Variants in PTPRT observed in about 807,000 individuals in gnomAD.
The protein encoded by PTPRT is protein tyrosine phosphatase receptor type T.
PTPRT carries 56 observed loss-of-function variants against 176.8 expected under a neutral mutation model. That is an observed-to-expected ratio of 0.32 (90% CI 0.26 to 0.40). The LOEUF (loss-of-function observed/expected upper bound fraction) is 0.40, where lower values mean the gene tolerates loss of function less well. Among genes scored for constraint, PTPRT ranks in the 10% least tolerant of loss-of-function variants. The probability of loss-of-function intolerance (pLI) is 1.00; values close to 1 mark genes in which losing one functional copy is unlikely to be tolerated. For synonymous variants in PTPRT, 783 were observed against 739.0 expected (o/e 1.06, Z -0.96); for missense variants, 1,540 against 1,908.2 (o/e 0.81, Z 3.60).
chr20:43,160,167 G>C (rs780172572), intron 1 of PTPRT, among the ~76,000 whole-genome samples: 33 of 152,108 alleles, frequency 2.2e-4, no homozygotes, highest in African/African-American at 7.5e-4. Context: ...CAACGAGCAG[G>C]GAGGTCTCCA....
chr20:42,363,273 TATA>T (rs1568812276), intron 9 of PTPRT, among the ~76,000 whole-genome samples: 6 of 15,862 alleles, frequency 3.8e-4, no homozygotes, highest in African/African-American at 1.4e-3. Flanking sequence ...ATTACAATTA[TATA>T]TATATATATA....
intron 15 of PTPRT, among the ~76,000 whole-genome samples, chr20:42,206,474 C>G (rs549211822): frequency 6.6e-6 from 1 of 152,174 alleles, no homozygotes; most frequent in Non-Finnish European, 1.5e-5. Context: ...ACTTGGGAAG[C>G]GCAAGGGGTC....
At position 42,118,482 on chromosome 20, in the gene PTPRT, A is replaced by G. The variant is rs762330946; in HGVS notation, c.2903T>C (p.Val968Ala). The G allele has an allele frequency of 1.5e-5, 24 of 1,612,156 alleles. No homozygotes were observed. The highest frequency in any genetic ancestry group is 2.0e-5 in the Non-Finnish European group (24 of 1,178,986). ...IATQGPMQET[V>A]KDFWRMIWQE... ...CCAGATCATTCTCCAAAAGTCCTTTACAGTCTCCTGCATCGGACCTGCCAA... is the reference window on the plus strand; with the variant it reads ...CCAGATCATTCTCCAAAAGTCCTTTGCAGTCTCCTGCATCGGACCTGCCAA... The change falls in exon 21 of 31, where the codon GTA (valine) becomes GCA (alanine). Residue 968 changes from valine to alanine, a missense_variant. Val to Ala is a moderately conservative substitution (Grantham distance 64). Coordinates refer to ENST00000373187, the MANE Select transcript of PTPRT (RefSeq NM_007050.6).
chr20:42,539,054 C>A (rs538671693), intron 7 of PTPRT, among the ~76,000 whole-genome samples: 98 of 152,262 alleles, frequency 6.4e-4, no homozygotes, highest in African/African-American at 2.3e-3. Context: ...GTGTGTACAC[C>A]TACCAGTCTC....
chr20:42,661,131 G>A (rs1196473275), intron 7 of PTPRT, among the ~76,000 whole-genome samples: 1 of 152,112 alleles, frequency 6.6e-6, no homozygotes, highest in Non-Finnish European at 1.5e-5. Context: ...TTACAGGTGT[G>A]AGCCACCGCA....
chr20:42,824,350 G>C (rs950140321), intron 2 of PTPRT, among the ~76,000 whole-genome samples: 1 of 151,858 alleles, frequency 6.6e-6, no homozygotes, highest in African/African-American at 2.4e-5. Flanking sequence ...AACTAGAAGA[G>C]AATGTCCTAT....
At chr20:42,765,231 G>A (rs1254089574) in intron 5 of PTPRT, among the ~76,000 whole-genome samples, 1 of 152,172 alleles carries the variant, frequency 6.6e-6, no homozygotes, top group Non-Finnish European at 1.5e-5. Context: ...CCTTTGTAGG[G>A]AGGCCTGAGA....
Position 43,034,868 on chromosome 20 carries a change from C to T in PTPRT, c.89-148936G>A, listed in dbSNP as rs186910182. On this transcript the variant is annotated intron_variant, in intron 1 of 30. Transcript: ENST00000373187. ...AGGATTACTTGCTGGAGAGGGGGGT[C>T]CCTGTCTGTCCCCACAACGCCTGCC... 9.6e-4 allele frequency among the ~76,000 whole-genome samples: 146 copies of T among 151,972 alleles called. 1 individual carries two copies. Among genetic ancestry groups the T allele is most frequent in the African/African-American group, 3.4e-3 (142 of 41,454 alleles).
chr20:42,176,499 A>G (rs1990297627), intron 16 of PTPRT, among the ~76,000 whole-genome samples: 1 of 152,166 alleles, frequency 6.6e-6, no homozygotes, highest in Admixed American at 6.5e-5. Context: ...CATTGGCTCC[A>G]GGGTTGTATG....
intron 1 of PTPRT, among the ~76,000 whole-genome samples, chr20:43,114,200 C>T (rs1416056348): frequency 2.6e-5 from 4 of 152,180 alleles, no homozygotes; most frequent in South Asian, 2.1e-4. Context: ...CAGTTAGTCT[C>T]GCCACTTTCC....
intron 21 of PTPRT, chr20:42,116,065 G>A (rs1987265699): frequency 6.9e-6 from 5 of 725,770 alleles, no homozygotes; most frequent in Non-Finnish European, 1.3e-5. Context: ...GCACGGCCTA[G>A]AGTGGCATTT....
At chr20:42,578,084 C>A (rs1445235299) in intron 7 of PTPRT, among the ~76,000 whole-genome samples, 1 of 152,068 alleles carries the variant, frequency 6.6e-6, no homozygotes, top group Non-Finnish European at 1.5e-5. Flanking sequence ...AATGCCAAGA[C>A]AAACTGAATG....
chr20:42,380,874 G>C (rs2058692631), intron 9 of PTPRT, among the ~76,000 whole-genome samples: 1 of 152,156 alleles, frequency 6.6e-6, no homozygotes, highest in Non-Finnish European at 1.5e-5. Flanking sequence ...AGGTTTACTT[G>C]TTCACAGTTC....
chr20:42,777,609 C>G (rs960422243), intron 4 of PTPRT, among the ~76,000 whole-genome samples: 2 of 152,184 alleles, frequency 1.3e-5, no homozygotes, highest in African/African-American at 4.8e-5. Flanking sequence ...GCTAATCAAA[C>G]ACCATGAGTA....
chr20:42,092,003 CAG>C (rs2146170574), intron 27 of PTPRT, among the ~76,000 whole-genome samples: 1 of 152,186 alleles, frequency 6.6e-6, no homozygotes, highest in Non-Finnish European at 1.5e-5. Flanking sequence ...AGGCAAGGCT[CAG>C]AGCAGGTTTA....
chr20:42,772,207 G>A (rs536088566), intron 4 of PTPRT, among the ~76,000 whole-genome samples: 20 of 152,312 alleles, frequency 1.3e-4, no homozygotes, highest in Middle Eastern at 3.4e-3. Context: ...CATTCTTAGC[G>A]CTTGCCATTT....
chr20:42,658,001 T>G (rs1220577606), intron 7 of PTPRT, among the ~76,000 whole-genome samples: 1 of 152,168 alleles, frequency 6.6e-6, no homozygotes, highest in Non-Finnish European at 1.5e-5. Flanking sequence ...TTTAACAGTT[T>G]TAAGTTATAT....
Position 42,327,080 on chromosome 20 carries a change from G to GGTGTGTGTGT in PTPRT, c.1866-11094_1866-11085dup, listed in dbSNP as rs139401290. Among the ~76,000 whole-genome samples, 911 of 146,424 alleles carry GGTGTGTGTGT rather than the reference G, an allele frequency of 6.2e-3. 5 individuals carry two copies. The highest frequency in any genetic ancestry group is 0.014 in the Middle Eastern group (4 of 288). On this transcript the variant is annotated intron_variant, in intron 11 of 30. Coordinates refer to ENST00000373187, the MANE Select transcript of PTPRT (RefSeq NM_007050.6). ...GTTAAATAAAAATGGACTAGGTAGG[G>GGTGTGTGTGT]GTGTGTGTGTGTGTGTGTGTGTGTG...
At chr20:43,040,633 T>C (rs553893958) in intron 1 of PTPRT, among the ~76,000 whole-genome samples, 24 of 152,300 alleles carry the variant, frequency 1.6e-4, no homozygotes, top group African/African-American at 5.3e-4. Flanking sequence ...TGGGAATACC[T>C]GCTAACACTT....
Sources: allele counts gnomAD v4.1 joint callset (sites outside exome capture counted in the v4.1 genomes callset), GRCh38; gene constraint gnomAD v4.1.1; transcripts MANE v1.5; gene names NCBI Gene and HGNC (gene_info 2026-07-23, HGNC 2026-07-21).